The following LRMDA variants were observed in gnomAD, a reference collection of about 807,000 sequenced individuals.
The protein encoded by LRMDA is leucine-rich melanocyte differentiation-associated protein.
In LRMDA, 18 loss-of-function variants were observed where a neutral mutation model predicts 29.8. That is an observed-to-expected ratio of 0.60 (90% CI 0.42 to 0.90). The LOEUF is 0.90. Among genes scored for constraint, LRMDA ranks in the 40% least tolerant of loss-of-function variants. The pLI, the probability that LRMDA is intolerant of heterozygous loss-of-function variation, is 0.00. For missense variants in LRMDA, 273 were observed against 273.9 expected (o/e 1.00, Z 0.02); for synonymous variants, 125 against 109.4 (o/e 1.14, Z -0.89).
chr10:76,298,192 T>G (rs935600623), intron 5 of LRMDA, among the ~76,000 whole-genome samples: 7 of 152,148 alleles, frequency 4.6e-5, no homozygotes, highest in Non-Finnish European at 7.4e-5. Context: ...GGTAAATCAT[T>G]AAAAATGCGC....
chr10:76,456,528 A>G (rs1842458341), intron 6 of LRMDA, among the ~76,000 whole-genome samples: 1 of 152,146 alleles, frequency 6.6e-6, no homozygotes, highest in Admixed American at 6.5e-5. Context: ...TATGCCCTTT[A>G]AGAAAAGAGT....
rs191007258 is a variant in LRMDA at position 75,595,538 on chromosome 10, T to C, written c.131+157044T>C. ...TGTTTATATATTAGTATGTATATTATGAGTATGTATTTTATAATCCACATA... is the reference window on the plus strand; with the variant it reads ...TGTTTATATATTAGTATGTATATTACGAGTATGTATTTTATAATCCACATA... On this transcript the variant is annotated intron_variant, in intron 2 of 6. Coordinates refer to ENST00000611255, the MANE Select transcript of LRMDA (RefSeq NM_001305581.2). Among the ~76,000 whole-genome samples the C allele has an allele frequency of 2.0e-5, 3 of 149,862 alleles. No individual in the cohort carries two copies. The East Asian group carries it at 5.8e-4, about 29-fold the overall frequency.
At chr10:76,123,375 G>A (rs1456354356) in intron 5 of LRMDA, among the ~76,000 whole-genome samples, 5 of 151,394 alleles carry the variant, frequency 3.3e-5, no homozygotes, top group Admixed American at 2.0e-4. Flanking sequence ...CAGGTATGGC[G>A]GCTCACACCT....
At chr10:76,446,922 A>C (rs1206868558) in intron 6 of LRMDA, among the ~76,000 whole-genome samples, 1 of 152,098 alleles carries the variant, frequency 6.6e-6, no homozygotes, top group Non-Finnish European at 1.5e-5. Flanking sequence ...GAGAATTTAG[A>C]GTTTTCCTTA....
At chr10:76,462,095 A>AAAC (rs1201709834) in intron 6 of LRMDA, among the ~76,000 whole-genome samples, 1 of 151,754 alleles carries the variant, frequency 6.6e-6, no homozygotes, top group East Asian at 1.9e-4. Flanking sequence ...ACACACACAA[A>AAAC]AACAACAACA....
At chr10:75,973,419 CTTTT>C (rs5786207) in intron 2 of LRMDA, among the ~76,000 whole-genome samples, 2 of 137,086 alleles carry the variant, frequency 1.5e-5, no homozygotes, top group Non-Finnish European at 1.6e-5. Context: ...TGCCCTTGTC[CTTTT>C]TTTTTTTTTT....
At chr10:76,157,681 T>C (rs915006949) in intron 5 of LRMDA, among the ~76,000 whole-genome samples, 1 of 151,824 alleles carries the variant, frequency 6.6e-6, no homozygotes, top group African/African-American at 2.4e-5. Context: ...AGCCTGAGCC[T>C]CCAATGACTC....
At chr10:76,058,089 T>G (rs1473052473) in intron 4 of LRMDA, among the ~76,000 whole-genome samples, 4 of 152,218 alleles carry the variant, frequency 2.6e-5, no homozygotes, top group African/African-American at 9.6e-5. Flanking sequence ...CTTGATAATC[T>G]TCATAGGTTA....
intron 2 of LRMDA, among the ~76,000 whole-genome samples, chr10:75,571,950 GTTATTA>G (rs904954361): frequency 1.5e-4 from 23 of 151,898 alleles, no homozygotes; most frequent in African/African-American, 4.3e-4. Flanking sequence ...CATTCCCACT[GTTATTA>G]TTATTATTAT....
intron 5 of LRMDA, among the ~76,000 whole-genome samples, chr10:76,220,696 G>A (rs1851815430): frequency 6.6e-6 from 1 of 152,090 alleles, no homozygotes; most frequent in South Asian, 2.1e-4. Context: ...AGAGGTACAA[G>A]GAGGAACTGG....
At chr10:76,502,946 G>A (rs561300979) in intron 6 of LRMDA, among the ~76,000 whole-genome samples, 2 of 151,986 alleles carry the variant, frequency 1.3e-5, no homozygotes, top group South Asian at 4.2e-4. Flanking sequence ...GGAGTGGGGA[G>A]AGTGGACATA....
intron 4 of LRMDA, among the ~76,000 whole-genome samples, chr10:76,056,666 A>T (rs1030167269): frequency 4.6e-5 from 7 of 152,350 alleles, no homozygotes; most frequent in Admixed American, 4.6e-4. Context: ...AGATTGTGAC[A>T]GTGCCTGGGC....
chr10:76,056,366 G>A lies in LRMDA; in HGVS notation c.399-2300G>A, dbSNP rs1054669674. Among the ~76,000 whole-genome samples, 8 of 152,334 alleles carry A rather than the reference G, an allele frequency of 5.3e-5. No individual in the cohort carries two copies. The South Asian group carries it at 1.0e-3, about 20-fold the overall frequency. On this transcript the variant is annotated intron_variant, in intron 4 of 6. Coordinates refer to ENST00000611255, the MANE Select transcript of LRMDA (RefSeq NM_001305581.2). Reference sequence around the variant, plus strand: ...TCTGATTTACGAAACTGGTAGCCCAGCCCCTATGCTTTAGGCCACCTCTGG... The same window carrying A: ...TCTGATTTACGAAACTGGTAGCCCAACCCCTATGCTTTAGGCCACCTCTGG...
intron 1 of LRMDA, among the ~76,000 whole-genome samples, chr10:75,432,507 A>G (rs1844211629): frequency 1.3e-5 from 2 of 152,248 alleles, no homozygotes; most frequent in East Asian, 1.9e-4. Context: ...CTCTGGGACC[A>G]GGTGTCTTTC....
At chr10:75,539,099 A>T (rs1460307068) in intron 2 of LRMDA, among the ~76,000 whole-genome samples, 2 of 152,242 alleles carry the variant, frequency 1.3e-5, no homozygotes, top group Non-Finnish European at 2.9e-5. Context: ...TCTCTTCAAT[A>T]GGACTTGTGT....
intron 6 of LRMDA, among the ~76,000 whole-genome samples, chr10:76,369,027 T>G (rs1258299760): frequency 1.3e-5 from 2 of 152,208 alleles, no homozygotes; most frequent in Non-Finnish European, 2.9e-5. Context: ...AGGCAGCAGA[T>G]AGTTGGTTGC....
intron 2 of LRMDA, among the ~76,000 whole-genome samples, chr10:75,611,302 G>A (rs1330346468): frequency 6.6e-6 from 1 of 152,140 alleles, no homozygotes; most frequent in African/African-American, 2.4e-5. Flanking sequence ...GACCTTGATC[G>A]GAGTCCACAG....
rs190394355 is a variant in LRMDA, at chr10:76,202,994, C to T, written c.517-121407C>T. ...GAAACACATCTCTCTATTTTCCTGCCATTGAGAAAGAGCTACTCTTTGGTA... is the reference window on the plus strand; with the variant it reads ...GAAACACATCTCTCTATTTTCCTGCTATTGAGAAAGAGCTACTCTTTGGTA... On this transcript the variant is annotated intron_variant, in intron 5 of 6. Transcript: ENST00000611255. Among the ~76,000 whole-genome samples, 8 of 152,262 alleles carry T rather than the reference C, an allele frequency of 5.3e-5. No individual in the cohort carries two copies. In the East Asian group the frequency reaches 1.4e-3, roughly 26 times the overall value.
At chr10:75,641,470 T>C (rs1383983162) in intron 2 of LRMDA, among the ~76,000 whole-genome samples, 1 of 151,726 alleles carries the variant, frequency 6.6e-6, no homozygotes, top group African/African-American at 2.4e-5. Flanking sequence ...TTAATAAAGA[T>C]AGTTCATTAA....
Sources: allele counts gnomAD v4.1 joint callset (sites outside exome capture counted in the v4.1 genomes callset), GRCh38; gene constraint gnomAD v4.1.1; transcripts MANE v1.5; gene names NCBI Gene and HGNC (gene_info 2026-07-23, HGNC 2026-07-21).